Variants in CERS5 observed in about 807,000 individuals in gnomAD.
The protein encoded by CERS5 is LAG1 homolog, ceramide synthase 5.
CERS5 carries 37 observed loss-of-function variants against 58.9 expected under a neutral mutation model. The ratio of observed to expected loss-of-function variants is 0.63; its 90% CI spans 0.48 to 0.83. The LOEUF (loss-of-function observed/expected upper bound fraction) is 0.83, where lower values mean the gene tolerates loss of function less well. CERS5 is among the 40% of genes least tolerant of loss of function. CERS5 has a pLI of 0.00. For missense variants in CERS5, 398 were observed against 489.3 expected, an observed-to-expected ratio of 0.81 and a Z score of 1.76; for synonymous variants, 147 against 177.8, an observed-to-expected ratio of 0.83 and a Z score of 1.38.
chr12:50,159,253 A>G (rs969038964), intron 1 of CERS5, among the ~76,000 whole-genome samples: 4 of 152,098 alleles, frequency 2.6e-5, no homozygotes, highest in Admixed American at 6.6e-5. Flanking sequence ...CCCGGGAGGC[A>G]GAGCTTGCAG....
At chr12:50,142,496 G>T (rs2138086953) in intron 3 of CERS5, among the ~76,000 whole-genome samples, 1 of 145,374 alleles carries the variant, frequency 6.9e-6, no homozygotes, top group Admixed American at 7.1e-5. Flanking sequence ...GTTGCAGTGA[G>T]CAGAGACTGT....
At chr12:50,142,270 A>G (rs554644761) in intron 3 of CERS5, among the ~76,000 whole-genome samples, 160 bp from the exon 4 acceptor site, 13 of 152,036 alleles carry the variant, frequency 8.6e-5, no homozygotes, top group Admixed American at 7.2e-4. Flanking sequence ...AGCCAAAGAC[A>G]GGGGCCAGGA....
At chr12:50,148,587 C>G in intron 1 of CERS5, 1 of 340,888 alleles carries the variant, frequency 2.9e-6, no homozygotes, top group Non-Finnish European at 6.1e-6. Context: ...ACAAAGCAGA[C>G]TCTGTCTCAA....
At chr12:50,143,910 C>T (rs757353977) in intron 2 of CERS5, 42 bp downstream of exon 2, 17 of 1,222,610 alleles carry the variant, frequency 1.4e-5, no homozygotes, top group Admixed American at 6.7e-5. Context: ...CATGGAGCAA[C>T]GCCTTATGTG....
Position 50,143,193 on chromosome 12 carries a change from C to T in CERS5, c.315G>A (p.Lys105=), listed in dbSNP as rs748376587. 4 of 1,614,112 alleles carry T rather than the reference C, an allele frequency of 2.5e-6. No individual in the cohort carries two copies. Among genetic ancestry groups the T allele is most frequent in the Non-Finnish European group, 3.4e-6 (4 of 1,180,034 alleles). The change falls in exon 3 of 10, where the codon AAG becomes AAA. Residue 105 remains lysine, a synonymous_variant. Coordinates refer to ENST00000317551, the MANE Select transcript of CERS5 (RefSeq NM_147190.5). ...GCTTTGACAGGCCCTCCAGCCTTTT[C>T]TTATCAGGATACTGTGAATGTATAA... ...VFISITKYPD[K]KRLEGLSKQL... is the part of the protein sequence containing the mutation.
intron 8 of CERS5, 112 bp from the exon 9 acceptor site, chr12:50,134,814 CA>C: frequency 2.1e-6 from 2 of 958,734 alleles, no homozygotes; most frequent in Non-Finnish European, 3.1e-6. Context: ...GCCCTTTTAT[CA>C]GCTGAAGTTC....
At chr12:50,165,179 G>A (rs1476339936) in intron 1 of CERS5, 4 of 152,166 alleles carry the variant, frequency 2.6e-5, no homozygotes, top group South Asian at 2.1e-4. Context: ...CAGCACTTTG[G>A]GAGGCCGAGG....
chr12:50,161,784 G>GAAAAAAATAAAAAAAAAAAAAAA (rs1939295980), intron 1 of CERS5, among the ~76,000 whole-genome samples: 1 of 90,862 alleles, frequency 1.1e-5, no homozygotes, highest in African/African-American at 4.6e-5. Context: ...CTCAAAAAAA[G>GAAAAAAATAAAAAAAAAAAAAAA]AAAAAAAAAA....
intron 4 of CERS5, among the ~76,000 whole-genome samples, chr12:50,139,613 T>A (rs1951858696): frequency 1.3e-5 from 2 of 152,090 alleles, no homozygotes. Context: ...GGCAACATGA[T>A]GAAAATCTGT....
chr12:50,166,323 CAAAAA>C lies in CERS5; in HGVS notation c.197+773_197+777del, dbSNP rs59606341. On this transcript the variant is annotated intron_variant, in intron 1 of 9. Transcript: ENST00000317551. ...GGGCAACAAGAGCGAAACTCTGTCTCAAAAAAAAAAAAAAAAAAAAGAAAAGAAAA... is the reference window on the plus strand; with the variant it reads ...GGGCAACAAGAGCGAAACTCTGTCTCAAAAAAAAAAAAAAAGAAAAGAAAA... 1.3e-3 allele frequency: 160 copies of C among 126,836 alleles called. 1 individual carries two copies. Among genetic ancestry groups the C allele is most frequent in the East Asian group, 4.9e-3 (21 of 4,314 alleles). The allele number at this position is 126,836 out of a possible 1,614,324, so 7.9% of individuals were successfully genotyped here.
intron 1 of CERS5, among the ~76,000 whole-genome samples, chr12:50,155,722 G>A: frequency 8.9e-6 from 1 of 112,724 alleles, no homozygotes; most frequent in African/African-American, 3.4e-5. Flanking sequence ...GGGCGACAGA[G>A]CGAGACTCCA....
At chr12:50,137,619 T>G in intron 6 of CERS5, 109 bp downstream of exon 6, 3 of 626,336 alleles carry the variant, frequency 4.8e-6, no homozygotes, top group Non-Finnish European at 8.6e-6. Context: ...CAAACCCAGT[T>G]TCTCCTTTTG....
chr12:50,160,409 G>A (rs1192226060), intron 1 of CERS5, among the ~76,000 whole-genome samples: 1 of 151,964 alleles, frequency 6.6e-6, no homozygotes, highest in African/African-American at 2.4e-5. Context: ...TGACAGGCCA[G>A]CGAATGAGTC....
At chr12:50,142,177 G>T in intron 3 of CERS5, 67 bp from the exon 4 acceptor site, 1 of 1,048,334 alleles carries the variant, frequency 9.5e-7, no homozygotes, top group Non-Finnish European at 1.4e-6. Context: ...GGCTACGGAA[G>T]TCAAGATAGC....
intron 1 of CERS5, among the ~76,000 whole-genome samples, chr12:50,161,390 T>C (rs1239240930): frequency 1.3e-5 from 2 of 152,220 alleles, no homozygotes; most frequent in African/African-American, 4.8e-5. Context: ...CTATATTTAT[T>C]CTTTGGGAGA....
Position 50,144,839 on chromosome 12 carries a change from TAAA to T in CERS5, c.198-785_198-783del, listed in dbSNP as rs983221766. 14 of 1,480,088 alleles carry T rather than the reference TAAA, an allele frequency of 9.5e-6. No individual in the cohort carries two copies. In the East Asian group the frequency reaches 3.0e-4, roughly 31 times the overall value. The allele number at this position is 1,480,088 out of a possible 1,614,324, so 91.7% of individuals were successfully genotyped here. ...GCAGAGTCCCAAGGATTTAAATTTT[TAAA>T]AAGAATAAAAAAGCCGGGCGTGGTG... On this transcript the variant is annotated intron_variant, in intron 1 of 9. Coordinates refer to ENST00000317551, the MANE Select transcript of CERS5 (RefSeq NM_147190.5).
intron 1 of CERS5, among the ~76,000 whole-genome samples, chr12:50,156,099 C>CA (rs34616031): frequency 0.63 from 30,576 of 48,826 alleles, 9,473 homozygotes; most frequent in East Asian, 0.81. Context: ...CATTCTGTCT[C>CA]AAAAAAAAAA....
At chr12:50,134,147 G>A (rs1309558632) in intron 9 of CERS5, 5 of 236,420 alleles carry the variant, frequency 2.1e-5, no homozygotes, top group South Asian at 5.4e-5. Context: ...TTGGGAAGCC[G>A]TGGTGGGAGG....
rs747320088 is a variant in CERS5 at position 50,166,993 on chromosome 12, T to C, written c.197+108A>G. The C allele has an allele frequency of 8.3e-4, 793 of 951,578 alleles. 1 individual carries two copies. The highest frequency in any genetic ancestry group is 2.6e-3 in the Middle Eastern group (8 of 3,034). The allele number at this position is 951,578 out of a possible 1,614,324, so 58.9% of individuals were successfully genotyped here. A position where few individuals can be genotyped will look rare whatever the true frequency, so the allele number is the denominator to read the frequency against. On this transcript the variant is annotated intron_variant, in intron 1 of 9. Transcript: ENST00000317551. The stretch of plus-strand genomic sequence containing the variant: ...CCGCGGCCCAAGCTCCCCCAGCCCC[T>C]GCTTCCGGGCTTTCCTTGCAGTTCT...
Sources: gnomAD v4.1 joint callset for allele counts (sites outside exome capture counted in the v4.1 genomes callset) on GRCh38, gnomAD v4.1.1 for gene constraint, MANE v1.5 for transcripts, NCBI Gene and HGNC (gene_info 2026-07-23, HGNC 2026-07-21) for gene names.